Variants in ACYP2 observed in about 807,000 individuals in gnomAD.
ACYP2 encodes the protein acylphosphatase 2.
Under a neutral mutation model 11.2 loss-of-function variants are expected in ACYP2, and 12 were observed. The ratio of observed to expected loss-of-function variants is 1.08; its 90% CI spans 0.69 to 1.74. The LOEUF is 1.74. Among genes scored for constraint, ACYP2 ranks in the 40% most tolerant of loss-of-function variants. The pLI is 0.00. For missense variants in ACYP2, 134 were observed against 101.9 expected, an observed-to-expected ratio of 1.31 and a Z score of -1.35; for synonymous variants, 43 against 32.2, an observed-to-expected ratio of 1.33 and a Z score of -1.13.
At chr2:54,186,574 CGT>C (rs1558597108) in intron 6 of ACYP2, among the ~76,000 whole-genome samples, 1 of 152,084 alleles carries the variant, frequency 6.6e-6, no homozygotes, top group African/African-American at 2.4e-5. Flanking sequence ...AGTACAATGG[CGT>C]GGTCTCAGCT....
intron 6 of ACYP2, among the ~76,000 whole-genome samples, chr2:54,187,697 C>G (rs1476232932): frequency 6.6e-6 from 1 of 152,136 alleles, no homozygotes; most frequent in Non-Finnish European, 1.5e-5. Context: ...TCAGTAGAGG[C>G]TGGTGAGGAT....
At chr2:54,000,616 T>G (rs1672753710) in intron 2 of ACYP2, among the ~76,000 whole-genome samples, 1 of 152,210 alleles carries the variant, frequency 6.6e-6, no homozygotes, top group Non-Finnish European at 1.5e-5. Flanking sequence ...AATTGAGAAG[T>G]GACAGAGATC....
At chr2:54,096,305 T>C (rs1441840406) in intron 4 of ACYP2, among the ~76,000 whole-genome samples, 3 of 132,702 alleles carry the variant, frequency 2.3e-5, no homozygotes, top group South Asian at 2.6e-4. Flanking sequence ...CCTCACTTCC[T>C]AGATGGGATG....
At chr2:54,026,759 A>G (rs1245243222) in intron 2 of ACYP2, among the ~76,000 whole-genome samples, 1 of 152,222 alleles carries the variant, frequency 6.6e-6, no homozygotes. Context: ...ATTTGCAGCA[A>G]CCTGGATACA....
At chr2:54,028,320 C>G (rs879832656) in intron 2 of ACYP2, among the ~76,000 whole-genome samples, 5 of 152,036 alleles carry the variant, frequency 3.3e-5, no homozygotes, top group African/African-American at 4.8e-5. Context: ...GTTAAGGGGA[C>G]GAGAATGTTG....
chr2:54,147,129 C>T (rs571682703), intron 6 of ACYP2, among the ~76,000 whole-genome samples: 1 of 152,160 alleles, frequency 6.6e-6, no homozygotes, highest in East Asian at 1.9e-4. Flanking sequence ...TTCTAAGTTA[C>T]TTTTCTTTTC....
At chr2:54,002,356 T>A (rs1672840811) in intron 2 of ACYP2, among the ~76,000 whole-genome samples, 1 of 151,936 alleles carries the variant, frequency 6.6e-6, no homozygotes. Flanking sequence ...CTTTCTTTTT[T>A]TTTTTTTGAG....
rs576142941 is a variant in ACYP2 at position 54,127,085 on chromosome 2, A to G, written c.278-8368A>G. Among the ~76,000 whole-genome samples the G allele has an allele frequency of 1.7e-4, 26 of 149,408 alleles. No homozygotes were observed. The South Asian group carries it at 1.9e-3, about 11-fold the overall frequency. On this transcript the variant is annotated intron_variant, in intron 4 of 6. Transcript: ENST00000607452. ...TATCTATATTTTGAAGTCTTCCTTCATGATGAATAGCTGCTTTTTTTTTTT... is the reference window on the plus strand; with the variant it reads ...TATCTATATTTTGAAGTCTTCCTTCGTGATGAATAGCTGCTTTTTTTTTTT...
At chr2:54,275,312 C>T (rs1688501485) in intron 6 of ACYP2, among the ~76,000 whole-genome samples, 1 of 152,200 alleles carries the variant, frequency 6.6e-6, no homozygotes, top group Non-Finnish European at 1.5e-5. Flanking sequence ...AAACAGCTGA[C>T]TATTTAGGTC....
At chr2:53,982,371 G>A (rs770250015) in intron 2 of ACYP2, among the ~76,000 whole-genome samples, 1 of 152,180 alleles carries the variant, frequency 6.6e-6, no homozygotes, top group Admixed American at 6.6e-5. Context: ...GTTCTCCAGT[G>A]TGTATTATAT....
chr2:54,025,763 A>T (rs13401491), intron 2 of ACYP2, among the ~76,000 whole-genome samples: 1 of 152,126 alleles, frequency 6.6e-6, no homozygotes, highest in African/African-American at 2.4e-5. Context: ...ATTAAACTAA[A>T]AAGCTTCTGC....
chr2:54,105,393 A>G (rs1360292840), intron 4 of ACYP2, among the ~76,000 whole-genome samples: 4 of 152,124 alleles, frequency 2.6e-5, no homozygotes, highest in Non-Finnish European at 4.4e-5. Context: ...CTTCTTATCC[A>G]TTCTTCAGCG....
rs778487816 is a variant in ACYP2 at position 54,075,521 on chromosome 2, A to AAG, written c.277+18162_277+18163insGA. Among the ~76,000 whole-genome samples the AAG allele has an allele frequency of 4.5e-3, 264 of 58,210 alleles. 2 individuals are homozygous for AAG. Among genetic ancestry groups the AAG allele is most frequent in the African/African-American group, 0.012 (247 of 20,980 alleles). 38.2% of individuals were successfully genotyped at this position (58,210 alleles called of 152,430 possible). A position where few individuals can be genotyped will look rare whatever the true frequency, so the allele number is the denominator to read the frequency against. On this transcript the variant is annotated intron_variant, in intron 4 of 6. Transcript: ENST00000607452. ...TCAAAATTAAAAAAAAAAAGAAAGA[A>AAG]AAAAAAAAAGGGTGGACACGGTGGT...
At chr2:54,101,827 G>C (rs953612135) in intron 4 of ACYP2, among the ~76,000 whole-genome samples, 1 of 152,100 alleles carries the variant, frequency 6.6e-6, no homozygotes, top group Non-Finnish European at 1.5e-5. Flanking sequence ...AAAGTACAGA[G>C]GGCTCTCATA....
chr2:53,980,735 C>T (rs781151542), intron 2 of ACYP2, among the ~76,000 whole-genome samples: 12 of 151,800 alleles, frequency 7.9e-5, no homozygotes, highest in African/African-American at 7.3e-5. Context: ...TCATGGTAAG[C>T]GCCCTGTATA....
At chr2:54,236,067 CCTTAT>C (rs1686463978) in intron 6 of ACYP2, among the ~76,000 whole-genome samples, 1 of 151,842 alleles carries the variant, frequency 6.6e-6, no homozygotes, top group East Asian at 1.9e-4. Context: ...TTATTTCCTT[CCTTAT>C]ATTTTCTTTA....
At chr2:53,989,981 C>CTTTTTTTTTTTT (rs112395166) in intron 2 of ACYP2, among the ~76,000 whole-genome samples, 1 of 143,186 alleles carries the variant, frequency 7.0e-6, no homozygotes. Flanking sequence ...CTTTTCTTTT[C>CTTTTTTTTTTTT]TTTTTTTTTT....
intron 2 of ACYP2, among the ~76,000 whole-genome samples, chr2:54,010,668 C>G (rs1270614202): frequency 6.7e-6 from 1 of 149,932 alleles, no homozygotes; most frequent in South Asian, 2.1e-4. Flanking sequence ...GATTAAATTT[C>G]AAAGGAAACT....
At chr2:53,978,638 C>G (rs547105824) in intron 2 of ACYP2, among the ~76,000 whole-genome samples, 109 of 152,318 alleles carry the variant, frequency 7.2e-4, no homozygotes, top group African/African-American at 2.3e-3. Context: ...GTAATTCCAG[C>G]ACTTTGAGAG....
Sources: allele counts gnomAD v4.1 joint callset (sites outside exome capture counted in the v4.1 genomes callset), GRCh38; gene constraint gnomAD v4.1.1; transcripts MANE v1.5; gene names NCBI Gene and HGNC (gene_info 2026-07-23, HGNC 2026-07-21).